SLC12A1: variants seen among roughly 807,000 people sequenced by gnomAD.
SLC12A1 encodes the protein solute carrier family 12 member 1.
A neutral mutation model predicts 130.4 loss-of-function variants in SLC12A1; 89 were observed. The ratio of observed to expected loss-of-function variants is 0.68; its 90% confidence interval spans 0.58 to 0.81. SLC12A1 has a LOEUF of 0.81. Among genes scored for constraint, SLC12A1 ranks in the 40% least tolerant of loss-of-function variants. SLC12A1 has a pLI of 0.00. For synonymous variants in SLC12A1, 499 were observed against 460.0 expected (o/e 1.08, Z -1.09); for missense variants, 1,310 against 1,336.4 (o/e 0.98, Z 0.31).
At chr15:48,253,166 T>G (rs79309854) in intron 15 of SLC12A1, among the ~76,000 whole-genome samples, 6,230 of 152,290 alleles carry the variant, frequency 0.041, 437 homozygotes, top group African/African-American at 0.14. Context: ...GGGGTCTGTT[T>G]AGCTTTTATG....
At chr15:48,245,098 T>G (rs986177098) in intron 11 of SLC12A1, among the ~76,000 whole-genome samples, 194 bp downstream of exon 11, 4 of 152,204 alleles carry the variant, frequency 2.6e-5, no homozygotes, top group Non-Finnish European at 4.4e-5. Flanking sequence ...TTTCCTGTAG[T>G]CAGAGACAAT....
chr15:48,302,356 C>G (rs559956049), intron 26 of SLC12A1, among the ~76,000 whole-genome samples: 7 of 151,256 alleles, frequency 4.6e-5, no homozygotes, highest in South Asian at 4.2e-4. Flanking sequence ...CGCGGTGGCT[C>G]ACGCCTGCAA....
chr15:48,255,143 CA>C (rs1162949240), intron 15 of SLC12A1, among the ~76,000 whole-genome samples: 1 of 151,136 alleles, frequency 6.6e-6, no homozygotes, highest in Non-Finnish European at 1.5e-5. Flanking sequence ...CTTCTCCTTC[CA>C]GTTTAAGAAT....
chr15:48,225,589 C>T (rs2041274694), intron 4 of SLC12A1: 2 of 152,058 alleles, frequency 1.3e-5, no homozygotes, highest in East Asian at 1.9e-4. Context: ...AGATGGGGTG[C>T]ACATTAAATT....
chr15:48,269,087 T>G (rs1026655672), intron 18 of SLC12A1, among the ~76,000 whole-genome samples: 11 of 152,204 alleles, frequency 7.2e-5, no homozygotes, highest in African/African-American at 2.7e-4. Flanking sequence ...TTTGATTAAC[T>G]GGAAGCTGTA....
intron 24 of SLC12A1, among the ~76,000 whole-genome samples, chr15:48,296,898 C>A (rs2042182541): frequency 6.6e-6 from 1 of 152,114 alleles, no homozygotes; most frequent in South Asian, 2.1e-4. Context: ...AGAGAAGGAG[C>A]AGTAAGAGTG....
intron 24 of SLC12A1, among the ~76,000 whole-genome samples, chr15:48,297,318 T>G (rs2042187153): frequency 6.6e-6 from 1 of 152,202 alleles, no homozygotes; most frequent in South Asian, 2.1e-4. Flanking sequence ...CACTGAGACA[T>G]TACTGTGGTC....
chr15:48,293,296 A>G (rs182009085), intron 24 of SLC12A1, among the ~76,000 whole-genome samples: 153 of 152,376 alleles, frequency 1.0e-3, no homozygotes, highest in African/African-American at 3.5e-3. Context: ...ATGGCCAATT[A>G]TAAATTAAAT....
chr15:48,260,343 C>A (rs1014203944), intron 17 of SLC12A1, among the ~76,000 whole-genome samples: 166 of 79,742 alleles, frequency 2.1e-3, no homozygotes, highest in East Asian at 0.012. Context: ...CTCTCTCTCT[C>A]TCTATCACAC....
chr15:48,273,851 C>T (rs908849662), intron 19 of SLC12A1, among the ~76,000 whole-genome samples: 1 of 152,066 alleles, frequency 6.6e-6, no homozygotes, highest in African/African-American at 2.4e-5. Flanking sequence ...AACAAAGGAC[C>T]TCCCAATGAA....
chr15:48,274,649 G>A lies in SLC12A1; in HGVS notation c.2481G>A (p.Val827=), dbSNP rs145469327. Residue 827 remains valine (V), a synonymous_variant, in exon 20 of 27, where the codon GTG becomes GTA. Transcript: ENST00000380993. ...TTGACATCTCTCAGGTTCTTCAGGT[G>A]CAAGGTATGTACTTTCTTTATTCAA... ...QGFDISQVLQ[V]QEELERLEQE... 2.6e-4 allele frequency: 412 copies of A among 1,607,248 alleles called. 1 individual carries two copies. The African/African-American group carries it at 4.7e-3, about 18-fold the overall frequency.
intron 6 of SLC12A1, among the ~76,000 whole-genome samples, chr15:48,229,568 T>C (rs1349293931): frequency 4.6e-5 from 7 of 152,204 alleles, no homozygotes; most frequent in Non-Finnish European, 1.0e-4. Context: ...ATCTATAATA[T>C]GGGCTAATAA....
chr15:48,232,557 T>G (rs1369502434), intron 7 of SLC12A1, among the ~76,000 whole-genome samples, 170 bp from the exon 8 acceptor site: 1 of 152,234 alleles, frequency 6.6e-6, no homozygotes, highest in Non-Finnish European at 1.5e-5. Flanking sequence ...GAATAAGACC[T>G]ATTTGCATGC....
At chr15:48,247,163 G>T in intron 12 of SLC12A1, 147 bp downstream of exon 12, 1 of 951,368 alleles carries the variant, frequency 1.1e-6, no homozygotes, top group Non-Finnish European at 1.6e-6. Context: ...TTCTATGTCT[G>T]CCACATAGTC....
At chr15:48,235,352 AAAAC>A (rs1003874935) in intron 9 of SLC12A1, 5 of 301,248 alleles carry the variant, frequency 1.7e-5, no homozygotes, top group Admixed American at 4.7e-5. Flanking sequence ...AAGTAAAAAA[AAAAC>A]AAAACAAAAC....
chr15:48,259,723 G>A (rs949116312), intron 17 of SLC12A1, among the ~76,000 whole-genome samples: 1 of 152,166 alleles, frequency 6.6e-6, no homozygotes, highest in East Asian at 1.9e-4. Context: ...TTAAATGACA[G>A]CACATAGAAT....
chr15:48,226,857 GCTGATGTTCCTTGGAAA>G, intron 5 of SLC12A1: 2 of 596,190 alleles, frequency 3.4e-6, no homozygotes, highest in South Asian at 4.4e-5. Context: ...CACACCTCTA[GCTGATGTTCCTTGGAAA>G]CTGATTCCAG....
rs78648980 is a variant in SLC12A1, at chr15:48,267,616, C to T, written c.2210C>T (p.Ala737Val). The change falls in exon 18 of 27, where the codon GCC becomes GTC. Residue 737 changes from alanine to valine, a missense_variant. Physicochemically the swap from Ala to Val is moderately conservative, Grantham distance 64. Coordinates refer to ENST00000380993, the MANE Select transcript of SLC12A1 (RefSeq NM_000338.3). ...EMNSGMAKKQ[A>V]WLIKNKIKAF... Reference sequence around the variant, plus strand: ...AACAGTGGCATGGCGAAAAAACAGGCCTGGCTTATAAAGAACAAAATCAAG... The same window carrying T: ...AACAGTGGCATGGCGAAAAAACAGGTCTGGCTTATAAAGAACAAAATCAAG... The T allele has an allele frequency of 1.4e-3, 2,321 of 1,613,564 alleles. 48 individuals are homozygous for T. The East Asian group carries it at 0.048, about 33-fold the overall frequency.
rs8026268 is a variant in SLC12A1 at position 48,251,855 on chromosome 15, G to T, written c.1942+85G>T. On this transcript the variant is annotated intron_variant, in intron 15 of 26. Coordinates refer to ENST00000380993, the MANE Select transcript of SLC12A1 (RefSeq NM_000338.3). ...AAGCATTTATTGAGCAGCTTCTATG[G>T]GCTTAGGTGAGGCATATGTAAGGTG... 0.032 allele frequency: 38,421 copies of T among 1,187,034 alleles called. 1,710 individuals carry two copies. Among genetic ancestry groups the T allele is most frequent in the African/African-American group, 0.2 (12,926 of 65,698 alleles). 73.5% of individuals were successfully genotyped at this position (1,187,034 alleles called of 1,614,324 possible). A position where few individuals can be genotyped will look rare whatever the true frequency, so the allele number is the denominator to read the frequency against.
Sources: gnomAD v4.1 joint callset for allele counts (sites outside exome capture counted in the v4.1 genomes callset) on GRCh38, gnomAD v4.1.1 for gene constraint, MANE v1.5 for transcripts, NCBI Gene and HGNC (gene_info 2026-07-23, HGNC 2026-07-21) for gene names.